Variants in RPTOR observed in about 807,000 individuals in gnomAD.
RPTOR encodes the protein regulatory-associated protein of mTOR.
A neutral mutation model predicts 169.9 loss-of-function variants in RPTOR; 21 were observed. That is an observed-to-expected ratio of 0.12 (90% CI 0.09 to 0.18). The LOEUF is 0.18. RPTOR is among the 10% of genes least tolerant of loss of function. The pLI, the probability that RPTOR is intolerant of heterozygous loss-of-function variation, is 1.00. For synonymous variants in RPTOR, 732 were observed against 753.2 expected, an observed-to-expected ratio of 0.97 and a Z score of 0.46; for missense variants, 1,133 against 1,855.9, an observed-to-expected ratio of 0.61 and a Z score of 7.16.
chr17:80,962,942 A>T lies in RPTOR; in HGVS notation c.3824A>T (p.Gln1275Leu). Reference protein sequence around the residue: ...ADLIACGSVNQFTAIYNSSGE... With the variant: ...ADLIACGSVNLFTAIYNSSGE... ...TCTCCCCACAGTGGCTCCGTCAATC[A>T]GTTCACCGCCATCTACAACAGCAGC... is the stretch of plus-strand genomic sequence containing the variant. Residue 1275 changes from glutamine to leucine, a missense_variant, in exon 33 of 34, where the codon CAG becomes CTG. Physicochemically the swap from Gln to Leu is moderately radical, Grantham distance 113 (BLOSUM62 -2). This residue lies in a region of RPTOR where 410 missense variants were observed against 623.7 expected (regional missense o/e 0.66). Transcript: ENST00000306801. 6.2e-7 allele frequency: 1 copy of T among 1,613,638 alleles called. No homozygotes were observed. Among genetic ancestry groups the T allele is most frequent in the Non-Finnish European group, 8.5e-7 (1 of 1,179,948 alleles).
chr17:80,730,767 G>GT lies in RPTOR; in HGVS notation c.654+61_654+62insT. ...TTGGTTTTGTTTTCCCTGGGGGTGG[G>GT]GTTTGGGTGGGGAGGTTGGGAGGTG... On this transcript the variant is annotated intron_variant, in intron 5 of 33. Transcript: ENST00000306801. This position sits in a 1 kb window ranked among gnomAD's most constrained non-coding sequence, Gnocchi z 4.2. 1 of 1,255,414 alleles carries GT rather than the reference G, an allele frequency of 8.0e-7. No homozygotes were observed. Among genetic ancestry groups the GT allele is most frequent in the Non-Finnish European group, 1.1e-6 (1 of 885,842 alleles). 77.8% of individuals were successfully genotyped at this position (1,255,414 alleles called of 1,614,324 possible).
intron 11 of RPTOR, among the ~76,000 whole-genome samples, chr17:80,853,303 T>C (rs2067814523): frequency 6.6e-6 from 1 of 152,182 alleles, no homozygotes; most frequent in South Asian, 2.1e-4. Context: ...CCTCTCCACC[T>C]GCAACGCGGT....
chr17:80,801,683 G>A (rs562644192), intron 7 of RPTOR: 1 of 152,324 alleles, frequency 6.6e-6, no homozygotes, highest in South Asian at 2.1e-4. Context: ...ATACAATATT[G>A]GCTGGTAAAG....
intron 20 of RPTOR, among the ~76,000 whole-genome samples, chr17:80,896,074 A>T (rs12948455): frequency 0.73 from 110,617 of 151,826 alleles, 40,634 homozygotes; most frequent in Admixed American, 0.79. Context: ...TGTTTTTCCT[A>T]TTCTCAATGT....
chr17:80,570,486 A>G (rs1470895648), intron 1 of RPTOR, among the ~76,000 whole-genome samples: 1 of 151,888 alleles, frequency 6.6e-6, no homozygotes, highest in Non-Finnish European at 1.5e-5. Flanking sequence ...TTTGAGACAG[A>G]GTCTCACTCT....
chr17:80,614,603 T>C (rs928157275), intron 1 of RPTOR, among the ~76,000 whole-genome samples: 3 of 152,146 alleles, frequency 2.0e-5, no homozygotes. Flanking sequence ...TCAGACCAGA[T>C]AGAGAATGTT....
intron 1 of RPTOR, among the ~76,000 whole-genome samples, chr17:80,567,040 G>A (rs1051578211): frequency 2.6e-5 from 4 of 151,166 alleles, no homozygotes; most frequent in Non-Finnish European, 4.4e-5. Context: ...GCATGATCTC[G>A]GCTCACTGCA....
At chr17:80,908,983 T>A in intron 21 of RPTOR, 54 bp downstream of exon 21, 2 of 1,276,996 alleles carry the variant, frequency 1.6e-6, no homozygotes, top group Non-Finnish European at 2.3e-6. Flanking sequence ...CGGTTACGAG[T>A]ATGCATGCCA....
chr17:80,869,128 A>G (rs927156197), intron 13 of RPTOR, among the ~76,000 whole-genome samples: 1 of 152,204 alleles, frequency 6.6e-6, no homozygotes, highest in African/African-American at 2.4e-5. Context: ...CAGTCTACAA[A>G]GAACTGTACT....
intron 7 of RPTOR, among the ~76,000 whole-genome samples, chr17:80,813,912 T>C (rs1374715288): frequency 6.6e-6 from 1 of 152,216 alleles, no homozygotes; most frequent in Non-Finnish European, 1.5e-5. Flanking sequence ...GGCAGGTGGA[T>C]CACCCGAGCT....
intron 1 of RPTOR, among the ~76,000 whole-genome samples, chr17:80,595,038 AG>A (rs2065135002): frequency 1.4e-5 from 1 of 73,666 alleles, no homozygotes; most frequent in Non-Finnish European, 3.1e-5. Flanking sequence ...ACAAGAAGGG[AG>A]AGAGAGAGAG....
At chr17:80,821,092 A>G (rs1205692687) in intron 7 of RPTOR, among the ~76,000 whole-genome samples, 7 of 152,262 alleles carry the variant, frequency 4.6e-5, no homozygotes, top group African/African-American at 1.4e-4. Flanking sequence ...TTCGTAAAGG[A>G]AAGAAAGAGC....
intron 1 of RPTOR, among the ~76,000 whole-genome samples, chr17:80,564,769 C>A (rs1023047596): frequency 6.6e-6 from 1 of 151,936 alleles, no homozygotes; most frequent in Non-Finnish European, 1.5e-5. Flanking sequence ...TCAAGTAGGC[C>A]CCAGTGTGTG....
At chr17:80,575,590 A>C (rs2064955857) in intron 1 of RPTOR, among the ~76,000 whole-genome samples, 1 of 152,144 alleles carries the variant, frequency 6.6e-6, no homozygotes, top group Non-Finnish European at 1.5e-5. Context: ...ACATGCATGC[A>C]CACGCTTGGA....
intron 3 of RPTOR, among the ~76,000 whole-genome samples, chr17:80,674,585 C>G (rs974939647): frequency 6.6e-6 from 1 of 152,088 alleles, no homozygotes; most frequent in African/African-American, 2.4e-5. Context: ...AATCTCGCCA[C>G]CACGCCCAGA....
intron 9 of RPTOR, among the ~76,000 whole-genome samples, chr17:80,828,371 C>T (rs950991076): frequency 1.3e-5 from 2 of 152,224 alleles, no homozygotes; most frequent in African/African-American, 4.8e-5. Context: ...ATCCCACCTA[C>T]AGAACAGAGC....
intron 3 of RPTOR, among the ~76,000 whole-genome samples, chr17:80,652,342 G>T (rs62069685): frequency 6.6e-6 from 1 of 152,180 alleles, no homozygotes; most frequent in Non-Finnish European, 1.5e-5. Flanking sequence ...GCAGTCACCA[G>T]CCTGCCTTCT....
intron 10 of RPTOR, among the ~76,000 whole-genome samples, chr17:80,843,298 A>G (rs1286966811): frequency 6.6e-6 from 1 of 152,182 alleles, no homozygotes; most frequent in African/African-American, 2.4e-5. Flanking sequence ...ATAGAACCCT[A>G]TAAAAATTGA....
At chr17:80,760,300 CTTT>C (rs1479994551) in intron 6 of RPTOR, among the ~76,000 whole-genome samples, 1 of 96,500 alleles carries the variant, frequency 1.0e-5, no homozygotes, top group Non-Finnish European at 2.0e-5. Context: ...TTTCTTTTTT[CTTT>C]TTTCTTTTTT....
Sources: allele counts gnomAD v4.1 joint callset (sites outside exome capture counted in the v4.1 genomes callset), GRCh38; gene constraint gnomAD v4.1.1; regional missense constraint gnomAD v4.1.1; non-coding constraint Gnocchi (gnomAD v3.1); transcripts MANE v1.5; gene names NCBI Gene and HGNC (gene_info 2026-07-23, HGNC 2026-07-21).